Variants in HOOK2 observed in about 807,000 individuals in gnomAD.
HOOK2 encodes the protein hook microtubule tethering protein 2, also known as protein Hook homolog 2.
A neutral mutation model predicts 111.9 loss-of-function variants in HOOK2; 108 were observed. The ratio of observed to expected loss-of-function variants is 0.96; its 90% CI spans 0.83 to 1.13. The LOEUF (loss-of-function observed/expected upper bound fraction) is 1.13, where lower values mean the gene tolerates loss of function less well. Ranked by LOEUF, HOOK2 falls within the 50% of genes most tolerant of loss-of-function variation. The probability of loss-of-function intolerance (pLI) is 0.00; values close to 1 mark genes in which losing one functional copy is unlikely to be tolerated. For synonymous variants in HOOK2, 405 were observed against 394.3 expected (o/e 1.03, Z -0.32); for missense variants, 978 against 951.3 (o/e 1.03, Z -0.37).
Position 12,786,344 on chromosome 19 carries a change from G to A in HOOK2, n.42-12119C>T, listed in dbSNP as rs1407432921. Among the ~76,000 whole-genome samples, 2 of 152,122 alleles carry A rather than the reference G, an allele frequency of 1.3e-5. No homozygotes were observed. Among genetic ancestry groups the A allele is most frequent in the Non-Finnish European group, 2.9e-5 (2 of 67,968 alleles). ...CCAGTTTCCTAGTGAGGGCCCCACTGGTCAGTGGGGCCAGCAGGGAGGGGG... is the reference window on the plus strand; with the variant it reads ...CCAGTTTCCTAGTGAGGGCCCCACTAGTCAGTGGGGCCAGCAGGGAGGGGG... On this transcript the variant is annotated intron_variant and non_coding_transcript_variant, in intron 3 of 3. Transcript: ENST00000589765. The surrounding 1 kb of genome is among the most constrained non-coding windows in gnomAD (Gnocchi z 4.3).
At chr19:12,782,916 CT>C (rs1160660877), upstream of HOOK2, among the ~76,000 whole-genome samples, 1 of 150,902 alleles carries the variant, frequency 6.6e-6, no homozygotes, top group South Asian at 2.1e-4. Context: ...GGAACCAGAG[CT>C]TCCCGCGTAG....
At chr19:12,767,296 G>C in intron 14 of HOOK2, 99 bp downstream of exon 14, 2 of 1,029,590 alleles carry the variant, frequency 1.9e-6, no homozygotes. Flanking sequence ...CTGAGACCAA[G>C]CAACCGGGGC....
At chr19:12,763,831 G>T (rs1379293630) in intron 20 of HOOK2, 53 bp from the exon 21 acceptor site, 1 of 1,204,418 alleles carries the variant, frequency 8.3e-7, no homozygotes, top group Non-Finnish European at 1.2e-6. Flanking sequence ...AACCCCCTGG[G>T]ACATACTGGG....
chr19:12,771,163 A>G lies in HOOK2; in HGVS notation c.757T>C (p.Phe253Leu). 6.2e-7 allele frequency: 1 copy of G among 1,613,602 alleles called. No homozygotes were observed. Among genetic ancestry groups the G allele is most frequent in the African/African-American group, 1.3e-5 (1 of 75,038 alleles). Residue 253 changes from phenylalanine (F) to leucine (L), a missense_variant, in exon 9 of 23, where the codon TTC becomes CTC. Physicochemically the swap from Phe to Leu is conservative, Grantham distance 22. Coordinates refer to ENST00000397668, the MANE Select transcript of HOOK2 (RefSeq NM_013312.3). ...CCAGTCCCCAGCTGACCACACCTGA[A>G]GTTCTCCTCCTGCAACTGCTCCAGC... ...SQLEQLQEENFRLESGREDER... is the reference protein window; with the variant it reads ...SQLEQLQEENLRLESGREDER...
intron 1 of HOOK2, 140 bp from the exon 2 acceptor site, chr19:12,775,037 G>A (rs1968455662): frequency 9.0e-7 from 1 of 1,107,042 alleles, no homozygotes; most frequent in Non-Finnish European, 1.3e-6. Flanking sequence ...GCGAGGGACT[G>A]GCTTCTGCTC....
chr19:12,767,510 C>G, intron 13 of HOOK2, 46 bp from the exon 14 acceptor site: 3 of 1,486,148 alleles, frequency 2.0e-6, no homozygotes, highest in Non-Finnish European at 2.8e-6. Context: ...CATCCCCTGT[C>G]CCCGCCCCTA....
chr19:12,772,960 A>G (rs976273084), intron 4 of HOOK2, 34 bp downstream of exon 4: 9 of 1,614,042 alleles, frequency 5.6e-6, no homozygotes, highest in African/African-American at 4.0e-5. Flanking sequence ...CCTTCTCCCA[A>G]CTCAACCCCC....
chr19:12,771,745 G>A (rs1381575338), intron 7 of HOOK2: 8 of 476,696 alleles, frequency 1.7e-5, no homozygotes, highest in Admixed American at 3.3e-5. Flanking sequence ...AGCCGGGTGT[G>A]GTGGCGTGTG....
rs376124640 is a variant in HOOK2 at position 12,774,755 on chromosome 19, G to T, written c.132-14C>A. ...CAGGAGGGGTCTCTGGGGGCGAGAA[G>T]GTGGGATGAGCAGACTGGGGGACAC... On this transcript the variant is annotated splice_polypyrimidine_tract_variant and intron_variant, in intron 2 of 22. Transcript: ENST00000397668. The T allele has an allele frequency of 8.7e-6, 14 of 1,613,580 alleles. No homozygotes were observed. The African/African-American group carries it at 1.6e-4, about 18-fold the overall frequency.
At chr19:12,771,886 A>AG in intron 7 of HOOK2, 1 of 341,086 alleles carries the variant, frequency 2.9e-6, no homozygotes, top group Non-Finnish European at 5.4e-6. Flanking sequence ...CATCTCAAAA[A>AG]AAAAAAAAAA....
rs551997764 is a variant in HOOK2, at chr19:12,766,387, C to T, written c.1374-147G>A. The stretch of plus-strand genomic sequence containing the variant: ...GGGTTGGAGCACCGAGGACCTACTA[C>T]GGGTTCAGGTTCCCGGCCCAGGGTT... On this transcript the variant is annotated intron_variant, in intron 14 of 22. Coordinates refer to ENST00000397668, the MANE Select transcript of HOOK2 (RefSeq NM_013312.3). 5 of 1,003,668 alleles carry T rather than the reference C, an allele frequency of 5.0e-6. No individual in the cohort carries two copies. In the Admixed American group the frequency reaches 9.5e-5, roughly 19 times the overall value. 62.2% of individuals were successfully genotyped at this position (1,003,668 alleles called of 1,614,324 possible).
At chr19:12,782,084 G>A (rs1353916800), upstream of HOOK2, among the ~76,000 whole-genome samples, 1 of 152,142 alleles carries the variant, frequency 6.6e-6, no homozygotes, top group Non-Finnish European at 1.5e-5. Context: ...TTGAACTACT[G>A]GCCTCAAGCG....
In HOOK2 at chr19:12,770,073, C is replaced by A; in HGVS notation, c.912G>T (p.Ser304=). The A allele has an allele frequency of 2.6e-6, 4 of 1,516,138 alleles. No homozygotes were observed. The South Asian group carries it at 4.9e-5, about 19-fold the overall frequency. 93.9% of individuals were successfully genotyped at this position (1,516,138 alleles called of 1,614,324 possible). The part of the protein sequence containing the change: ...KDEMDELRQS[S]ERAGQLEATL... The stretch of plus-strand genomic sequence containing the variant: ...TGGCCTCCAGCTGCCCAGCACGCTC[C>A]GAAGACTGCCTAGGGGAGTGGGAGG... Residue 304 remains serine, a synonymous_variant, in exon 11 of 23, where the codon TCG becomes TCT. Coordinates refer to ENST00000397668, the MANE Select transcript of HOOK2 (RefSeq NM_013312.3).
At chr19:12,765,297 C>T (rs1174840201) in intron 18 of HOOK2, 20 of 606,616 alleles carry the variant, frequency 3.3e-5, no homozygotes, top group Admixed American at 3.0e-4. Context: ...AGGTATGCCC[C>T]GGAACAGCCC....
intron 14 of HOOK2, 55 bp from the exon 15 acceptor site, chr19:12,766,295 C>T: frequency 1.4e-6 from 2 of 1,478,402 alleles, no homozygotes; most frequent in Non-Finnish European, 1.8e-6. Context: ...CGCAGGCTCG[C>T]TGGGGCTCAG....
intron 14 of HOOK2, 70 bp from the exon 15 acceptor site, chr19:12,766,310 A>C (rs993234654): frequency 1.7e-5 from 25 of 1,456,106 alleles, no homozygotes; most frequent in Non-Finnish European, 2.3e-5. Flanking sequence ...GCTCAGGGAG[A>C]GTGGAGCTAG....
chr19:12,768,114 G>A lies in HOOK2; in HGVS notation c.1114C>T (p.Leu372=), dbSNP rs767036193. 6.2e-7 allele frequency: 1 copy of A among 1,614,076 alleles called. No homozygotes were observed. The highest frequency in any genetic ancestry group is 1.1e-5 in the South Asian group (1 of 91,080). Residue 372 remains leucine (L), a synonymous_variant, in exon 12 of 23, where the codon CTG becomes TTG. Transcript: ENST00000397668. Reference sequence around the variant, plus strand: ...GCCTCCTCCTGCCGCTGGCCCTGCAGTTCCTGCACCTGAACACAGAGAGGG... The same window carrying A: ...GCCTCCTCCTGCCGCTGGCCCTGCAATTCCTGCACCTGAACACAGAGAGGG... ...LEAQRRQVQE[L]QGQRQEEAMK...
upstream of HOOK2, among the ~76,000 whole-genome samples, chr19:12,783,447 G>A (rs1007354767): frequency 6.7e-6 from 1 of 149,634 alleles, no homozygotes. Context: ...GGTTAAAGCC[G>A]TTTTCTTATT....
At position 12,769,942 on chromosome 19, in the gene HOOK2, A is replaced by G. The variant is rs1463535202; in HGVS notation, c.1043T>C (p.Leu348Pro). The G allele has an allele frequency of 7.1e-6, 11 of 1,558,562 alleles. No homozygotes were observed. Among genetic ancestry groups the G allele is most frequent in the Non-Finnish European group, 9.5e-6 (11 of 1,159,686 alleles). The change falls in exon 11 of 23, where the codon CTG becomes CCG. Residue 348 changes from leucine to proline, a missense_variant. Physicochemically the swap from Leu to Pro is moderately conservative, Grantham distance 98. This residue lies in a region of HOOK2 where 388 missense variants were observed against 358.3 expected (regional missense o/e 1.08). Coordinates refer to ENST00000397668, the MANE Select transcript of HOOK2 (RefSeq NM_013312.3). ...GCCCGCTCGGCGTAGCTCATCCTCC[A>G]GTTGTCGCGTGCGCTCGGCGTGGCC... is the stretch of plus-strand genomic sequence containing the variant. Reference protein sequence around the residue: ...NAGHAERTRQLEDELRRAGSL... With the variant: ...NAGHAERTRQPEDELRRAGSL...
Sources: allele counts gnomAD v4.1 joint callset (sites outside exome capture counted in the v4.1 genomes callset), GRCh38; gene constraint gnomAD v4.1.1; regional missense constraint gnomAD v4.1.1; non-coding constraint Gnocchi (gnomAD v3.1); transcripts MANE v1.5; gene names NCBI Gene and HGNC (gene_info 2026-07-23, HGNC 2026-07-21).